PXDNL: variants seen among roughly 807,000 people sequenced by gnomAD.
PXDNL encodes probable oxidoreductase PXDNL.
A neutral mutation model predicts 150.8 loss-of-function variants in PXDNL; 145 were observed. The ratio of observed to expected loss-of-function variants is 0.96; its 90% CI spans 0.84 to 1.10. The LOEUF (loss-of-function observed/expected upper bound fraction) is 1.10, where lower values mean the gene tolerates loss of function less well. Among genes scored for constraint, PXDNL ranks in the 50% least tolerant of loss-of-function variants. PXDNL has a pLI of 0.00. For missense variants in PXDNL, 2,087 were observed against 1,873.9 expected (o/e 1.11, Z -2.10); for synonymous variants, 757 against 725.7 (o/e 1.04, Z -0.69).
intron 4 of PXDNL, among the ~76,000 whole-genome samples, chr8:51,536,999 A>G (rs112877849): frequency 0.025 from 3,875 of 152,322 alleles, 77 homozygotes; most frequent in Middle Eastern, 0.041. Context: ...AGATAAAGGC[A>G]GACTTTAGAT....
chr8:51,763,124 T>A (rs1242061862), intron 1 of PXDNL, among the ~76,000 whole-genome samples: 1 of 151,942 alleles, frequency 6.6e-6, no homozygotes, highest in Non-Finnish European at 1.5e-5. Context: ...CCCCAGAAAA[T>A]CACTAACCTG....
At chr8:51,544,753 T>C (rs1042044598) in intron 4 of PXDNL, among the ~76,000 whole-genome samples, 3 of 152,194 alleles carry the variant, frequency 2.0e-5, no homozygotes, top group African/African-American at 7.2e-5. Context: ...TTATACTCAT[T>C]GTGAATATTT....
chr8:51,793,204 C>A (rs1277957604), intron 1 of PXDNL, among the ~76,000 whole-genome samples: 6 of 152,104 alleles, frequency 3.9e-5, no homozygotes, highest in Non-Finnish European at 5.9e-5. Flanking sequence ...GGAGTGGACC[C>A]CCAGGAAACC....
At chr8:51,622,221 G>C (rs1814273754) in intron 2 of PXDNL, among the ~76,000 whole-genome samples, 1 of 152,126 alleles carries the variant, frequency 6.6e-6, no homozygotes, top group African/African-American at 2.4e-5. Flanking sequence ...AGGAATCTCA[G>C]ATCCACAATT....
In PXDNL at chr8:51,320,073, C is replaced by A. The variant is rs911073446; in HGVS notation, c.4261-51G>T. The A allele has an allele frequency of 4.6e-6, 6 of 1,295,144 alleles. No individual in the cohort carries two copies. The African/African-American group carries it at 7.6e-5, about 16-fold the overall frequency. The allele number at this position is 1,295,144 out of a possible 1,614,324, so 80.2% of individuals were successfully genotyped here. On this transcript the variant is annotated intron_variant, in intron 22 of 22. Coordinates refer to ENST00000356297, the MANE Select transcript of PXDNL (RefSeq NM_144651.5). ...CTCCATGTTTCTTATAATCAAAGTA[C>A]TTAAAAGACAAATAAATGTTTCTTA...
At chr8:51,681,069 T>C (rs1815740084) in intron 1 of PXDNL, among the ~76,000 whole-genome samples, 1 of 152,112 alleles carries the variant, frequency 6.6e-6, no homozygotes, top group Non-Finnish European at 1.5e-5. Flanking sequence ...AAGGGGATCT[T>C]AAGACTGTCG....
intron 12 of PXDNL, among the ~76,000 whole-genome samples, chr8:51,432,701 G>A (rs925322785): frequency 2.0e-5 from 3 of 152,180 alleles, no homozygotes; most frequent in Non-Finnish European, 4.4e-5. Context: ...ACTTGTTAAT[G>A]TCATATCCAA....
chr8:51,618,367 G>A (rs1368057948), intron 2 of PXDNL, among the ~76,000 whole-genome samples: 1 of 152,224 alleles, frequency 6.6e-6, no homozygotes, highest in African/African-American at 2.4e-5. Context: ...AAAACTTGCT[G>A]GATGGATTGA....
intron 5 of PXDNL, among the ~76,000 whole-genome samples, chr8:51,495,354 C>A (rs562620023): frequency 6.6e-6 from 1 of 152,146 alleles, no homozygotes; most frequent in East Asian, 1.9e-4. Flanking sequence ...GACACCCTAA[C>A]ATCACAATTA....
At chr8:51,433,080 G>A (rs1401986278) in intron 12 of PXDNL, among the ~76,000 whole-genome samples, 2 of 152,054 alleles carry the variant, frequency 1.3e-5, no homozygotes, top group Middle Eastern at 3.4e-3. Flanking sequence ...GTGGCAGGGC[G>A]CCCCTGTAGT....
intron 1 of PXDNL, among the ~76,000 whole-genome samples, chr8:51,699,821 G>C (rs1432334329): frequency 1.3e-5 from 2 of 152,082 alleles, no homozygotes; most frequent in African/African-American, 4.8e-5. Context: ...AAACAAATTA[G>C]GTAACAAATA....
chr8:51,456,246 G>A (rs767039385), intron 9 of PXDNL, among the ~76,000 whole-genome samples: 4 of 152,090 alleles, frequency 2.6e-5, no homozygotes, highest in East Asian at 1.9e-4. Flanking sequence ...ACCAAATCTC[G>A]TGTCATTCCC....
chr8:51,765,937 G>A (rs899742461), intron 1 of PXDNL, among the ~76,000 whole-genome samples: 9 of 151,566 alleles, frequency 5.9e-5, no homozygotes, highest in African/African-American at 9.7e-5. Context: ...TCCGCCTCCC[G>A]GGTTCACACC....
intron 3 of PXDNL, among the ~76,000 whole-genome samples, chr8:51,580,322 T>C (rs1363086444): frequency 1.3e-5 from 2 of 152,164 alleles, no homozygotes; most frequent in East Asian, 3.9e-4. Flanking sequence ...TAGTAGATGT[T>C]ATCTCTCTGC....
intron 19 of PXDNL, among the ~76,000 whole-genome samples, chr8:51,352,860 C>CA (rs1206546580): frequency 1.3e-5 from 2 of 152,088 alleles, no homozygotes; most frequent in Non-Finnish European, 2.9e-5. Flanking sequence ...AACATAAAAG[C>CA]AAATAGCACA....
intron 1 of PXDNL, among the ~76,000 whole-genome samples, chr8:51,784,889 AATT>A (rs1173119284): frequency 6.6e-6 from 1 of 152,230 alleles, no homozygotes; most frequent in Admixed American, 6.5e-5. Context: ...TAGCAGGAAA[AATT>A]ATATTTCTAT....
chr8:51,773,931 C>T (rs932564611), intron 1 of PXDNL, among the ~76,000 whole-genome samples: 6 of 152,066 alleles, frequency 3.9e-5, no homozygotes, highest in African/African-American at 1.4e-4. Context: ...TAAACATTAG[C>T]ACTGCTATGG....
chr8:51,680,195 G>A (rs1011100588), intron 1 of PXDNL, among the ~76,000 whole-genome samples: 1 of 152,162 alleles, frequency 6.6e-6, no homozygotes, highest in Non-Finnish European at 1.5e-5. Flanking sequence ...GAGTCACTGC[G>A]TAGGCAGAAA....
At chr8:51,399,975 T>C (rs1563392492) in intron 17 of PXDNL, among the ~76,000 whole-genome samples, 1 of 152,356 alleles carries the variant, frequency 6.6e-6, no homozygotes, top group East Asian at 1.9e-4. Flanking sequence ...TAAAGATTTC[T>C]TCAGTTGAAT....
Sources: allele counts gnomAD v4.1 joint callset (sites outside exome capture counted in the v4.1 genomes callset), GRCh38; gene constraint gnomAD v4.1.1; transcripts MANE v1.5; gene names NCBI Gene and HGNC (gene_info 2026-07-23, HGNC 2026-07-21).